Variants in TMEM132D observed in about 807,000 individuals in gnomAD.
TMEM132D encodes transmembrane protein 132D.
TMEM132D carries 21 observed loss-of-function variants against 62.3 expected under a neutral mutation model. The ratio of observed to expected loss-of-function variants is 0.34; its 90% CI spans 0.24 to 0.49. TMEM132D has a LOEUF of 0.49. Among genes scored for constraint, TMEM132D ranks in the 20% least tolerant of loss-of-function variants. The pLI, the probability that TMEM132D is intolerant of heterozygous loss-of-function variation, is 0.99. For missense variants in TMEM132D, 1,346 were observed against 1,402.8 expected, an observed-to-expected ratio of 0.96 and a Z score of 0.65; for synonymous variants, 621 against 575.6, an observed-to-expected ratio of 1.08 and a Z score of -1.13.
intron 2 of TMEM132D, among the ~76,000 whole-genome samples, chr12:129,642,466 G>A (rs1004895068): frequency 3.3e-5 from 5 of 152,124 alleles, no homozygotes; most frequent in African/African-American, 1.2e-4. Flanking sequence ...CTGCCACCCT[G>A]TCACTTCATT....
intron 3 of TMEM132D, among the ~76,000 whole-genome samples, chr12:129,351,398 G>A (rs1435797497): frequency 6.6e-6 from 1 of 152,194 alleles, no homozygotes; most frequent in Non-Finnish European, 1.5e-5. Flanking sequence ...GCACACTGCT[G>A]CAGCTTTCAA....
intron 4 of TMEM132D, among the ~76,000 whole-genome samples, chr12:129,333,643 C>T (rs1869185440): frequency 6.6e-6 from 1 of 152,156 alleles, no homozygotes; most frequent in Admixed American, 6.5e-5. Flanking sequence ...CATGTGCACT[C>T]CCTTCTCCCA....
intron 5 of TMEM132D, among the ~76,000 whole-genome samples, chr12:129,191,630 ATATATG>A (rs1301803240): frequency 6.6e-6 from 1 of 151,816 alleles, no homozygotes; most frequent in Non-Finnish European, 1.5e-5. Flanking sequence ...TATAGGAGAT[ATATATG>A]TATATTTATA....
intron 5 of TMEM132D, among the ~76,000 whole-genome samples, chr12:129,141,482 A>G (rs1413068261): frequency 6.6e-6 from 1 of 152,194 alleles, no homozygotes; most frequent in Non-Finnish European, 1.5e-5. Context: ...AAACTGTGTA[A>G]CATGATGATG....
intron 3 of TMEM132D, among the ~76,000 whole-genome samples, chr12:129,530,608 G>C (rs552162125): frequency 6.6e-6 from 1 of 152,148 alleles, no homozygotes; most frequent in African/African-American, 2.4e-5. Flanking sequence ...ATGCCTGCCC[G>C]TGAATACAAT....
At chr12:129,233,367 C>T (rs866533900) in intron 4 of TMEM132D, among the ~76,000 whole-genome samples, 1 of 152,110 alleles carries the variant, frequency 6.6e-6, no homozygotes, top group African/African-American at 2.4e-5. Context: ...TTCTTCCTTC[C>T]TATATTCAAG....
intron 3 of TMEM132D, among the ~76,000 whole-genome samples, chr12:129,509,713 A>G (rs1226762602): frequency 6.6e-6 from 1 of 152,172 alleles, no homozygotes; most frequent in Non-Finnish European, 1.5e-5. Context: ...ATAAGATGGA[A>G]CATGCAATGT....
chr12:129,169,164 T>A (rs1460069403), intron 5 of TMEM132D, among the ~76,000 whole-genome samples: 2 of 152,320 alleles, frequency 1.3e-5, no homozygotes, highest in Non-Finnish European at 2.9e-5. Flanking sequence ...TGTGATTTTG[T>A]AGGTCTGTGG....
intron 2 of TMEM132D, among the ~76,000 whole-genome samples, chr12:129,651,056 A>C (rs1879914665): frequency 6.6e-6 from 1 of 152,194 alleles, no homozygotes; most frequent in African/African-American, 2.4e-5. Flanking sequence ...TTATCTATTT[A>C]TCAATCCCGG....
chr12:129,884,068 A>C (rs1874683786), intron 1 of TMEM132D, among the ~76,000 whole-genome samples: 1 of 152,188 alleles, frequency 6.6e-6, no homozygotes, highest in Non-Finnish European at 1.5e-5. Context: ...AGAAACTAGG[A>C]CCATGGGCAT....
At chr12:129,097,125 A>G (rs1875141080) in intron 5 of TMEM132D, among the ~76,000 whole-genome samples, 1 of 152,214 alleles carries the variant, frequency 6.6e-6, no homozygotes. Context: ...TTGGGGCTGG[A>G]GAGTTCTTTG....
intron 2 of TMEM132D, among the ~76,000 whole-genome samples, chr12:129,572,734 C>G (rs991541224): frequency 2.0e-5 from 3 of 151,986 alleles, no homozygotes; most frequent in Non-Finnish European, 4.4e-5. Context: ...CAAGTGTGAG[C>G]CAGCGCGCCC....
At chr12:129,848,501 T>C (rs901694002) in intron 1 of TMEM132D, among the ~76,000 whole-genome samples, 1 of 152,192 alleles carries the variant, frequency 6.6e-6, no homozygotes, top group African/African-American at 2.4e-5. Context: ...AAGACACGTT[T>C]TCCAATGGGG....
At chr12:129,532,901 G>A (rs1050710461) in intron 2 of TMEM132D, among the ~76,000 whole-genome samples, 15 of 152,184 alleles carry the variant, frequency 9.9e-5, no homozygotes, top group East Asian at 3.9e-4. Context: ...TCCTGGGAGC[G>A]TGAGCCTGGT....
chr12:129,764,120 A>G (rs961752296), intron 1 of TMEM132D, among the ~76,000 whole-genome samples: 1 of 152,220 alleles, frequency 6.6e-6, no homozygotes, highest in African/African-American at 2.4e-5. Flanking sequence ...AGCTTGCACC[A>G]TAATGGCGTC....
chr12:129,650,966 C>T lies in TMEM132D; in HGVS notation c.968+48844G>A, dbSNP rs149634612. Among the ~76,000 whole-genome samples the T allele has an allele frequency of 1.8e-3, 280 of 152,324 alleles. 2 individuals are homozygous for T. Among genetic ancestry groups the T allele is most frequent in the Middle Eastern group, 0.01 (3 of 294 alleles). ...GGCATGTCTAAGCCCTCAGGGCTCTCAAAATCCATATTACCTTCTAGCTAT... is the reference window on the plus strand; with the variant it reads ...GGCATGTCTAAGCCCTCAGGGCTCTTAAAATCCATATTACCTTCTAGCTAT... On this transcript the variant is annotated intron_variant, in intron 2 of 8. Coordinates refer to ENST00000422113, the MANE Select transcript of TMEM132D (RefSeq NM_133448.3).
chr12:129,884,379 A>C (rs1054699148), intron 1 of TMEM132D, among the ~76,000 whole-genome samples: 2 of 152,224 alleles, frequency 1.3e-5, no homozygotes, highest in Non-Finnish European at 2.9e-5. Context: ...ACTTGTCTAC[A>C]AAATAAACAA....
At chr12:129,524,118 T>C (rs1875938533) in intron 3 of TMEM132D, among the ~76,000 whole-genome samples, 2 of 151,896 alleles carry the variant, frequency 1.3e-5, no homozygotes, top group Admixed American at 1.3e-4. Flanking sequence ...CATTAGGAGA[T>C]ATACCTAATG....
At chr12:129,586,181 G>C (rs758256664) in intron 2 of TMEM132D, among the ~76,000 whole-genome samples, 1 of 152,036 alleles carries the variant, frequency 6.6e-6, no homozygotes, top group Non-Finnish European at 1.5e-5. Context: ...AGTTAGGTTG[G>C]GGACGTCCAG....
Sources: gnomAD v4.1 joint callset for allele counts (sites outside exome capture counted in the v4.1 genomes callset) on GRCh38, gnomAD v4.1.1 for gene constraint, MANE v1.5 for transcripts, NCBI Gene and HGNC (gene_info 2026-07-23, HGNC 2026-07-21) for gene names.